Variants in SEC31A observed in about 807,000 individuals in gnomAD.
SEC31A encodes protein transport protein Sec31A.
SEC31A carries 70 observed loss-of-function variants against 151.0 expected under a neutral mutation model. That is an observed-to-expected ratio of 0.46 (90% CI 0.38 to 0.57). The LOEUF is 0.57. Among genes scored for constraint, SEC31A ranks in the 20% least tolerant of loss-of-function variants. The pLI, the probability that SEC31A is intolerant of heterozygous loss-of-function variation, is 0.00. For missense variants in SEC31A, 1,330 were observed against 1,471.2 expected, an observed-to-expected ratio of 0.90 and a Z score of 1.57; for synonymous variants, 475 against 505.9, an observed-to-expected ratio of 0.94 and a Z score of 0.82.
intron 22 of SEC31A, among the ~76,000 whole-genome samples, chr4:82,835,563 A>G (rs1266881653): frequency 6.6e-6 from 1 of 152,222 alleles, no homozygotes; most frequent in Non-Finnish European, 1.5e-5. Context: ...TGGGAGGCTG[A>G]GGTGGATGGA....
chr4:82,898,256 G>A (rs917661365), intron 3 of SEC31A, among the ~76,000 whole-genome samples: 2 of 152,012 alleles, frequency 1.3e-5, no homozygotes, highest in Admixed American at 6.6e-5. Flanking sequence ...ATAACCAAAT[G>A]ATCAGATTGA....
chr4:82,824,743 T>C, intron 24 of SEC31A, 69 bp from the exon 25 acceptor site: 1 of 1,541,460 alleles, frequency 6.5e-7, no homozygotes, highest in South Asian at 1.3e-5. Flanking sequence ...ATCTTGAATC[T>C]ATGTGATAAA....
intron 18 of SEC31A, 108 bp downstream of exon 18, chr4:82,853,462 G>A: frequency 1.1e-6 from 1 of 926,902 alleles, no homozygotes; most frequent in South Asian, 2.2e-5. Flanking sequence ...TCCAGCAAAA[G>A]AAGTTCTTGA....
intron 14 of SEC31A, among the ~76,000 whole-genome samples, chr4:82,858,488 G>A (rs1470479110): frequency 7.5e-6 from 1 of 134,074 alleles, no homozygotes; most frequent in Non-Finnish European, 1.6e-5. Context: ...AGGTTGCAGT[G>A]AGTTGAGATT....
intron 25 of SEC31A, among the ~76,000 whole-genome samples, chr4:82,822,252 T>C (rs1017347259): frequency 1.3e-5 from 2 of 152,002 alleles, no homozygotes; most frequent in East Asian, 3.9e-4. Flanking sequence ...ATGAACAATA[T>C]ATTGCATGTC....
intron 11 of SEC31A, among the ~76,000 whole-genome samples, chr4:82,863,770 A>G (rs1560635544): frequency 6.6e-6 from 1 of 152,138 alleles, no homozygotes; most frequent in South Asian, 2.1e-4. Context: ...TATGTCCTAA[A>G]ATTCTTTCCC....
chr4:82,870,695 CTA>C (rs1736461762), intron 7 of SEC31A, among the ~76,000 whole-genome samples: 1 of 151,254 alleles, frequency 6.6e-6, no homozygotes, highest in African/African-American at 2.4e-5. Context: ...GAGTGAGACT[CTA>C]TCTCAACATA....
chr4:82,878,019 G>A (rs991743654), intron 4 of SEC31A: 1 of 152,104 alleles, frequency 6.6e-6, no homozygotes. Context: ...TTATTTCATA[G>A]AGTATTAATC....
chr4:82,856,253 C>T (rs1489500935), intron 16 of SEC31A, among the ~76,000 whole-genome samples: 3 of 151,802 alleles, frequency 2.0e-5, no homozygotes, highest in Admixed American at 6.6e-5. Flanking sequence ...AAGGTTCAAG[C>T]GATTCTCCTG....
chr4:82,867,160 CA>C lies in SEC31A; in HGVS notation c.1038del (p.Asp347ThrfsTer33). ...GSTDGLRQKQ[V>X]DKLSSSFGNL... is the part of the protein sequence containing the mutation. Reference sequence around the variant, plus strand: ...ACTTTAACACTTCCTATTACCTTGTCAACTTGTTTCTGTCTTAAACCATCTG... The same window carrying C: ...ACTTTAACACTTCCTATTACCTTGTCACTTGTTTCTGTCTTAAACCATCTG... On this transcript the variant is annotated frameshift_variant, in exon 9 of 27. Transcript: ENST00000395310. LOFTEE classifies it high-confidence loss of function. 6.2e-7 allele frequency: 1 copy of C among 1,612,884 alleles called. No homozygotes were observed. Among genetic ancestry groups the C allele is most frequent in the Non-Finnish European group, 8.5e-7 (1 of 1,179,186 alleles).
intron 22 of SEC31A, among the ~76,000 whole-genome samples, chr4:82,835,009 C>T (rs9997148): frequency 0.45 from 68,849 of 151,888 alleles, 18,186 homozygotes; most frequent in Admixed American, 0.6. Flanking sequence ...CCATGCCTGG[C>T]TAAGTTTTGT....
intron 6 of SEC31A, among the ~76,000 whole-genome samples, chr4:82,872,511 AC>A (rs1417932267): frequency 5.9e-5 from 9 of 152,178 alleles, no homozygotes; most frequent in Non-Finnish European, 7.4e-5. Context: ...AAACAACAAA[AC>A]AAAAACAAAT....
intron 14 of SEC31A, among the ~76,000 whole-genome samples, chr4:82,860,901 A>G (rs1230410456): frequency 1.3e-5 from 2 of 152,146 alleles, no homozygotes; most frequent in Non-Finnish European, 2.9e-5. Context: ...AAATTTACTT[A>G]TTTTTATAAC....
At chr4:82,854,612 T>G (rs1455805250) in intron 17 of SEC31A, among the ~76,000 whole-genome samples, 1 of 151,846 alleles carries the variant, frequency 6.6e-6, no homozygotes, top group Non-Finnish European at 1.5e-5. Flanking sequence ...ATGAATAAAC[T>G]GAGGCTTAGA....
Position 82,864,411 on chromosome 4 carries a change from A to C in SEC31A, c.1385T>G (p.Ile462Ser), listed in dbSNP as rs1011308890. 1.9e-6 allele frequency: 3 copies of C among 1,602,832 alleles called. No homozygotes were observed. Among genetic ancestry groups the C allele is most frequent in the Non-Finnish European group, 8.5e-7 (1 of 1,171,596 alleles). ...QGFINYCQKK[I>S]DASQTEFEKN... ...CTCAAATTCAGTCTGAGAAGCATCAATTTTTTTTTGGCAATAATTGATAAA... is the reference window on the plus strand; with the variant it reads ...CTCAAATTCAGTCTGAGAAGCATCACTTTTTTTTTGGCAATAATTGATAAA... Residue 462 changes from isoleucine (I) to serine (S), a missense_variant, in exon 11 of 27, where the codon ATT becomes AGT. Coordinates refer to ENST00000395310, the MANE Select transcript of SEC31A (RefSeq NM_001077207.4).
chr4:82,891,038 T>A, intron 1 of SEC31A, 50 bp downstream of exon 1: 1 of 1,535,156 alleles, frequency 6.5e-7, no homozygotes. Flanking sequence ...GGGCTCTACC[T>A]CAAAGCTTAA....
intron 10 of SEC31A, among the ~76,000 whole-genome samples, chr4:82,866,119 G>A (rs949575001): frequency 1.4e-5 from 2 of 146,728 alleles, no homozygotes; most frequent in Admixed American, 6.7e-5. Flanking sequence ...GGGAGGGAGG[G>A]AAAGAGAGAC....
At chr4:82,840,616 G>A (rs1216876314) in intron 22 of SEC31A, among the ~76,000 whole-genome samples, 9 of 152,066 alleles carry the variant, frequency 5.9e-5, no homozygotes, top group Non-Finnish European at 1.3e-4. Context: ...TGATTTCATC[G>A]TCGTGTGAAC....
Position 82,864,419 on chromosome 4 carries a change from T to C in SEC31A, c.1377A>G (p.Gln459=), listed in dbSNP as rs759595024. ...CAGTCTGAGAAGCATCAATTTTTTTTTGGCAATAATTGATAAATCCTTGTG... is the reference window on the plus strand; with the variant it reads ...CAGTCTGAGAAGCATCAATTTTTTTCTGGCAATAATTGATAAATCCTTGTG... The part of the protein sequence containing the change: ...VQSQGFINYC[Q]KKIDASQTEF... Residue 459 remains glutamine, a synonymous_variant, in exon 11 of 27, where the codon CAA becomes CAG. Transcript: ENST00000395310. 2.8e-5 allele frequency: 45 copies of C among 1,614,228 alleles called. No homozygotes were observed. Among genetic ancestry groups the C allele is most frequent in the Non-Finnish European group, 3.8e-5 (45 of 1,180,026 alleles).
Sources: allele counts gnomAD v4.1 joint callset (sites outside exome capture counted in the v4.1 genomes callset), GRCh38; gene constraint gnomAD v4.1.1; transcripts MANE v1.5; gene names NCBI Gene and HGNC (gene_info 2026-07-23, HGNC 2026-07-21).